HMCN1: variants seen among roughly 807,000 people sequenced by gnomAD.
The protein encoded by HMCN1 is hemicentin-1.
A neutral mutation model predicts 625.9 loss-of-function variants in HMCN1; 321 were observed. The observed-to-expected ratio is 0.51, with a 90% CI of 0.47 to 0.56. The LOEUF is 0.56. HMCN1 is among the 20% of genes least tolerant of loss of function. The pLI is 0.00. For synonymous variants in HMCN1, 2,425 were observed against 2,417.6 expected (o/e 1.00, Z -0.09); for missense variants, 6,588 against 6,887.3 (o/e 0.96, Z 1.54).
chr1:185,992,609 C>T (rs1049653818), intron 22 of HMCN1, among the ~76,000 whole-genome samples: 1 of 152,074 alleles, frequency 6.6e-6, no homozygotes, highest in Admixed American at 6.6e-5. Context: ...CTGTCCTTAA[C>T]TATTTATTCA....
At chr1:185,751,569 T>G (rs1654817171) in intron 1 of HMCN1, among the ~76,000 whole-genome samples, 1 of 152,170 alleles carries the variant, frequency 6.6e-6, no homozygotes. Context: ...GGACAATTCT[T>G]GTCTTTCAGA....
chr1:185,796,628 G>GTC (rs1658399828), intron 1 of HMCN1, among the ~76,000 whole-genome samples: 1 of 122,890 alleles, frequency 8.1e-6, no homozygotes. Context: ...GTTTGTGTCT[G>GTC]TGTGTGTGTG....
At chr1:186,159,588 C>T (rs963209937) in intron 97 of HMCN1, among the ~76,000 whole-genome samples, 28 of 152,122 alleles carry the variant, frequency 1.8e-4, no homozygotes, top group African/African-American at 5.3e-4. Context: ...TTTTGAGATA[C>T]GTCCCATTAA....
At chr1:186,012,766 G>C (rs1427723097) in intron 30 of HMCN1, among the ~76,000 whole-genome samples, 2 of 152,048 alleles carry the variant, frequency 1.3e-5, no homozygotes, top group African/African-American at 2.4e-5. Context: ...GAAGAAATTT[G>C]CTATGATAAA....
intron 30 of HMCN1, among the ~76,000 whole-genome samples, chr1:186,009,417 C>T (rs1425906950): frequency 1.3e-5 from 2 of 152,022 alleles, no homozygotes; most frequent in African/African-American, 4.8e-5. Context: ...TCCTCTTTAG[C>T]AATGCTCGCC....
intron 1 of HMCN1, among the ~76,000 whole-genome samples, chr1:185,845,127 G>T (rs1322023124): frequency 6.6e-6 from 1 of 152,164 alleles, no homozygotes; most frequent in Non-Finnish European, 1.5e-5. Flanking sequence ...CGATAGCCAG[G>T]CTCAGCCACC....
At chr1:185,994,135 A>G (rs931469453) in intron 23 of HMCN1, among the ~76,000 whole-genome samples, 31 of 152,146 alleles carry the variant, frequency 2.0e-4, no homozygotes, top group African/African-American at 6.5e-4. Context: ...AAACATAGAA[A>G]TTGTGCTTTT....
intron 26 of HMCN1, 118 bp from the exon 27 acceptor site, chr1:186,001,180 T>C: frequency 4.6e-6 from 4 of 870,670 alleles, no homozygotes; most frequent in Non-Finnish European, 7.3e-6. Flanking sequence ...CTTAAATATG[T>C]CTAGCTTTTC....
chr1:185,810,898 T>A (rs1659474257), intron 1 of HMCN1, among the ~76,000 whole-genome samples: 1 of 152,158 alleles, frequency 6.6e-6, no homozygotes, highest in Non-Finnish European at 1.5e-5. Context: ...TCAACATTGC[T>A]TATGGAAAAC....
intron 1 of HMCN1, among the ~76,000 whole-genome samples, chr1:185,827,733 G>T (rs2102281956): frequency 6.6e-6 from 1 of 152,074 alleles, no homozygotes; most frequent in African/African-American, 2.4e-5. Flanking sequence ...ATTTCCCTAA[G>T]TTAAGGAAGA....
Position 186,117,048 on chromosome 1 carries a change from A to C in HMCN1, c.11616A>C (p.Ala3872=). The change falls in exon 76 of 107, where the codon GCA becomes GCC. Residue 3872 remains alanine, a synonymous_variant. Coordinates refer to ENST00000271588, the MANE Select transcript of HMCN1 (RefSeq NM_031935.3). The part of the protein sequence containing the change: ...VIISPSVDDT[A]TYECTVTNGA... Reference sequence around the variant, plus strand: ...TTTCCCCTTCTGTGGATGACACTGCAACCTATGAATGTACTGTGACAAACG... The same window carrying C: ...TTTCCCCTTCTGTGGATGACACTGCCACCTATGAATGTACTGTGACAAACG... 1.2e-6 allele frequency: 2 copies of C among 1,613,520 alleles called. No individual in the cohort carries two copies. The highest frequency in any genetic ancestry group is 1.1e-5 in the South Asian group (1 of 91,072).
intron 68 of HMCN1, among the ~76,000 whole-genome samples, chr1:186,102,410 G>A (rs1311160412): frequency 6.6e-6 from 1 of 152,098 alleles, no homozygotes; most frequent in East Asian, 1.9e-4. Flanking sequence ...ACCAACAGTT[G>A]CAGTAAACAC....
intron 55 of HMCN1, among the ~76,000 whole-genome samples, chr1:186,080,638 T>C (rs1015713528): frequency 1.1e-4 from 17 of 152,278 alleles, no homozygotes; most frequent in Middle Eastern, 6.8e-3. Flanking sequence ...GAGATGCCTA[T>C]TGAAGTTAGT....
In HMCN1 at chr1:185,911,707, A is replaced by G. The variant is rs1254908162; in HGVS notation, c.827A>G (p.Glu276Gly). Residue 276 changes from glutamate (E) to glycine (G), a missense_variant, in exon 6 of 107, where the codon GAG (glutamate) becomes GGG (glycine). Around this residue, in one of 3 missense-constraint regions of HMCN1, gnomAD observed 4,628 missense variants for 4,853.1 expected, o/e 0.95. Transcript: ENST00000271588. ...ATAAAAAAGGGATTTGGCCTGCATG[A>G]GCTATTAAATATCCATAACTCTGCC... is the stretch of plus-strand genomic sequence containing the variant. ...KLIKKGFGLH[E>G]LLNIHNSAKV... 15 of 1,613,418 alleles carry G rather than the reference A, an allele frequency of 9.3e-6. No individual in the cohort carries two copies. The highest frequency in any genetic ancestry group is 1.3e-5 in the Non-Finnish European group (15 of 1,179,456).
At chr1:185,921,529 T>C (rs1283842560) in intron 6 of HMCN1, among the ~76,000 whole-genome samples, 1 of 152,170 alleles carries the variant, frequency 6.6e-6, no homozygotes, top group Non-Finnish European at 1.5e-5. Flanking sequence ...AAAATTTATA[T>C]ATATATACTT....
In HMCN1 at chr1:186,031,125, T is replaced by C. The variant is rs76637535; in HGVS notation, c.5750-6809T>C. On this transcript the variant is annotated intron_variant, in intron 36 of 106. Transcript: ENST00000271588. ...AGTGAACTTTATTCTTTTGTGTGTA[T>C]TAGAATTACTGCTTCATTTCAACCT... 5.8e-3 allele frequency among the ~76,000 whole-genome samples: 877 copies of C among 152,164 alleles called. 6 individuals are homozygous for C. Among genetic ancestry groups the C allele is most frequent in the Non-Finnish European group, 9.2e-3 (622 of 67,918 alleles).
At chr1:186,127,350 C>G (rs906831234) in intron 82 of HMCN1, among the ~76,000 whole-genome samples, 3 of 151,998 alleles carry the variant, frequency 2.0e-5, no homozygotes, top group Non-Finnish European at 4.4e-5. Context: ...ATATTTAAAG[C>G]TATAGCACTG....
intron 11 of HMCN1, among the ~76,000 whole-genome samples, chr1:185,945,062 T>C (rs903186662): frequency 3.3e-5 from 5 of 152,358 alleles, no homozygotes; most frequent in Middle Eastern, 3.4e-3. Context: ...AATAACTTGT[T>C]ATTTTTAATA....
intron 1 of HMCN1, among the ~76,000 whole-genome samples, chr1:185,811,451 G>A (rs984219272): frequency 1.1e-4 from 17 of 152,042 alleles, no homozygotes; most frequent in Non-Finnish European, 2.4e-4. Flanking sequence ...TTTAAAGTTA[G>A]CCAGATGCAG....
Sources: allele counts gnomAD v4.1 joint callset (sites outside exome capture counted in the v4.1 genomes callset), GRCh38; gene constraint gnomAD v4.1.1; regional missense constraint gnomAD v4.1.1; transcripts MANE v1.5; gene names NCBI Gene and HGNC (gene_info 2026-07-23, HGNC 2026-07-21).